Variants in FRMPD1 observed in about 807,000 individuals in gnomAD.
FRMPD1 encodes the protein FERM and PDZ domain-containing protein 1.
FRMPD1 carries 76 observed loss-of-function variants against 117.8 expected under a neutral mutation model. The observed-to-expected ratio is 0.65, with a 90% CI of 0.54 to 0.78. The LOEUF (loss-of-function observed/expected upper bound fraction) is 0.78, where lower values mean the gene tolerates loss of function less well. Ranked by LOEUF, FRMPD1 falls within the 30% of genes least tolerant of loss-of-function variation. The pLI, the probability that FRMPD1 is intolerant of heterozygous loss-of-function variation, is 0.00. For synonymous variants in FRMPD1, 783 were observed against 770.4 expected, an observed-to-expected ratio of 1.02 and a Z score of -0.27; for missense variants, 1,786 against 1,964.5, an observed-to-expected ratio of 0.91 and a Z score of 1.72.
At position 37,746,821 on chromosome 9, in the gene FRMPD1, C is replaced by A; in HGVS notation, c.*52C>A. ...GCCCTGTCCTGCCTTGGACACTTCC[C>A]TGAGAAGCCCCTTCCACTCTCCCAC... On this transcript the variant is annotated 3_prime_UTR_variant, in exon 16 of 16. Coordinates refer to ENST00000377765, the MANE Select transcript of FRMPD1 (RefSeq NM_014907.3). The A allele has an allele frequency of 1.6e-6, 2 of 1,250,252 alleles. No homozygotes were observed. Among genetic ancestry groups the A allele is most frequent in the South Asian group, 1.3e-5 (1 of 79,114 alleles). The allele number at this position is 1,250,252 out of a possible 1,614,324, so 77.4% of individuals were successfully genotyped here. A position where few individuals can be genotyped will look rare whatever the true frequency, so the allele number is the denominator to read the frequency against.
At chr9:37,626,637 A>AAAAAAAAAAAAAAAAAAC in the FRMPD1 span, among the ~76,000 whole-genome samples, 1 of 144,606 alleles carries the variant, frequency 6.9e-6, no homozygotes, top group African/African-American at 2.5e-5. Flanking sequence ...AAAAAAAAAA[A>AAAAAAAAAAAAAAAAAAC]AAAAAGCTGG....
At chr9:37,707,637 C>T in intron 3 of FRMPD1, 64 bp downstream of exon 3, 1 of 1,319,606 alleles carries the variant, frequency 7.6e-7, no homozygotes, top group Non-Finnish European at 1.1e-6. Flanking sequence ...CCCCAAATCT[C>T]CCCGATCTCT....
chr9:37,662,806 T>C (rs766948434), intron 1 of FRMPD1, among the ~76,000 whole-genome samples: 1 of 152,188 alleles, frequency 6.6e-6, no homozygotes, highest in Admixed American at 6.5e-5. Context: ...GTCTTCAGAA[T>C]AGATTGACCT....
At chr9:37,654,059 A>G (rs906303777) in intron 1 of FRMPD1, among the ~76,000 whole-genome samples, 3 of 152,186 alleles carry the variant, frequency 2.0e-5, no homozygotes, top group African/African-American at 4.8e-5. Context: ...CATTTTTTCA[A>G]TCAATGGTTG....
At position 37,706,962 on chromosome 9, in the gene FRMPD1, CCATCCATCCATCCATT is replaced by C. The variant is rs1261939431; in HGVS notation, c.102-450_102-435del. Reference sequence around the variant, plus strand: ...TCCATCCATCCATCCATCCATCCATCCATCCATCCATCCATTCATTCATTGATTCACTCAGCAGCAG... The same window carrying C: ...TCCATCCATCCATCCATCCATCCATCCATTCATTGATTCACTCAGCAGCAG... On this transcript the variant is annotated intron_variant, in intron 2 of 15. Coordinates refer to ENST00000377765, the MANE Select transcript of FRMPD1 (RefSeq NM_014907.3). 1.4e-4 allele frequency among the ~76,000 whole-genome samples: 21 copies of C among 151,760 alleles called. No homozygotes were observed. The East Asian group carries it at 3.5e-3, about 25-fold the overall frequency.
At chr9:37,651,766 G>A (rs1820682581) in intron 1 of FRMPD1, among the ~76,000 whole-genome samples, 1 of 152,238 alleles carries the variant, frequency 6.6e-6, no homozygotes, top group African/African-American at 2.4e-5. Context: ...GTGTGACCTT[G>A]GGCAAGTGCC....
intron 2 of FRMPD1, among the ~76,000 whole-genome samples, chr9:37,701,419 G>A (rs1239827341): frequency 6.6e-6 from 1 of 152,148 alleles, no homozygotes; most frequent in African/African-American, 2.4e-5. Context: ...AAAATCAGAA[G>A]ACTGAGTAGG....
intron 1 of FRMPD1, among the ~76,000 whole-genome samples, chr9:37,674,891 C>T (rs899879259): frequency 4.6e-5 from 7 of 152,268 alleles, no homozygotes; most frequent in South Asian, 2.1e-4. Flanking sequence ...GAGATCTAAA[C>T]GAGGACCCAG....
rs552144617 is a variant in FRMPD1, at chr9:37,740,334, C to T, written c.1806C>T (p.Thr602=). 35 of 1,613,736 alleles carry T rather than the reference C, an allele frequency of 2.2e-5. No homozygotes were observed. In the East Asian group the frequency reaches 2.7e-4, roughly 12 times the overall value. ...SANTESRGYR[T]SGSSESMDAL... is the part of the protein sequence containing the mutation. ...ACACTGAGAGCCGCGGCTACAGGAC[C>T]AGTGGCTCGAGTGAGTCCATGGACG... Residue 602 remains threonine (T), a synonymous_variant, in exon 15 of 16, where the codon ACC becomes ACT. Coordinates refer to ENST00000377765, the MANE Select transcript of FRMPD1 (RefSeq NM_014907.3). This position sits in a 1 kb window ranked among gnomAD's most constrained non-coding sequence, Gnocchi z 4.2.
At chr9:37,731,161 G>T (rs1477138088) in intron 9 of FRMPD1, 58 bp downstream of exon 9, 1 of 1,553,224 alleles carries the variant, frequency 6.4e-7, no homozygotes, top group Non-Finnish European at 8.9e-7. Context: ...TGGTGCACTG[G>T]GTGATTTTGA....
intron 2 of FRMPD1, among the ~76,000 whole-genome samples, chr9:37,699,776 A>T (rs755881796): frequency 6.6e-6 from 1 of 152,196 alleles, no homozygotes; most frequent in Non-Finnish European, 1.5e-5. Context: ...CTTGTCTTGA[A>T]TGTTAATACT....
chr9:37,732,901 C>T (rs1449102398), intron 10 of FRMPD1, among the ~76,000 whole-genome samples: 1 of 152,196 alleles, frequency 6.6e-6, no homozygotes, highest in African/African-American at 2.4e-5. Flanking sequence ...TTGCTAAGCC[C>T]CTCCCCAGAT....
chr9:37,744,564 C>A lies in FRMPD1; in HGVS notation c.2532C>A (p.Thr844=). ...TLRKRRSFLQ[T]DYTSQVSFPL... The stretch of plus-strand genomic sequence containing the variant: ...GGAAAAGAAGGTCTTTCCTACAGAC[C>A]GACTACACCTCTCAGGTCTCATTTC... The change falls in exon 16 of 16, where the codon ACC becomes ACA. Residue 844 remains threonine (T), a synonymous_variant. Transcript: ENST00000377765. The A allele has an allele frequency of 6.2e-7, 1 of 1,614,066 alleles. No homozygotes were observed. The highest frequency in any genetic ancestry group is 8.5e-7 in the Non-Finnish European group (1 of 1,179,990).
intron 1 of FRMPD1, among the ~76,000 whole-genome samples, chr9:37,654,201 T>C (rs1176844381): frequency 6.6e-6 from 1 of 152,134 alleles, no homozygotes; most frequent in East Asian, 1.9e-4. Flanking sequence ...AGTCATTACA[T>C]AAATAAGGTA....
At chr9:37,688,731 G>T (rs1256631229) in intron 1 of FRMPD1, among the ~76,000 whole-genome samples, 4 of 152,020 alleles carry the variant, frequency 2.6e-5, no homozygotes, top group Admixed American at 1.3e-4. Flanking sequence ...TGGTGTAAAT[G>T]CTTAAATATT....
chr9:37,646,765 T>C (rs935157629), upstream of FRMPD1, among the ~76,000 whole-genome samples: 2 of 152,132 alleles, frequency 1.3e-5, no homozygotes, highest in African/African-American at 4.8e-5. Context: ...TGATTCTATT[T>C]TGGGAACAAT....
chr9:37,735,734 G>A lies in FRMPD1; in HGVS notation c.1401G>A (p.Lys467=), dbSNP rs1824090514. The part of the protein sequence containing the change: ...SVVKVYLQDV[K]VLTLLLESNS... ...TCAAAGTGTATCTTCAGGACGTCAA[G>A]GTAACACAATGGGGAGAGATTCTGA... is the stretch of plus-strand genomic sequence containing the variant. The change falls in exon 13 of 16, where the codon AAG becomes AAA. Residue 467 remains lysine, a splice_region_variant and synonymous_variant. Transcript: ENST00000377765. 2 of 1,608,272 alleles carry A rather than the reference G, an allele frequency of 1.2e-6. No individual in the cohort carries two copies. The highest frequency in any genetic ancestry group is 1.3e-5 in the African/African-American group (1 of 74,842).
intron 3 of FRMPD1, 49 bp downstream of exon 3, chr9:37,707,622 A>G: frequency 6.9e-7 from 1 of 1,449,528 alleles, no homozygotes; most frequent in Non-Finnish European, 9.6e-7. Context: ...CTTAAGGGGA[A>G]ATAGCCCCAA....
chr9:37,616,448 A>T, the FRMPD1 span, among the ~76,000 whole-genome samples: 6,948 of 152,114 alleles, frequency 0.046, 522 homozygotes, highest in African/African-American at 0.16. Flanking sequence ...TCATCCTAAG[A>T]ACTCTTGAGG....
Sources: allele counts gnomAD v4.1 joint callset (sites outside exome capture counted in the v4.1 genomes callset), GRCh38; gene constraint gnomAD v4.1.1; non-coding constraint Gnocchi (gnomAD v3.1); transcripts MANE v1.5; gene names NCBI Gene and HGNC (gene_info 2026-07-23, HGNC 2026-07-21).